The following PRKG1 variants were observed in gnomAD, a reference collection of about 807,000 sequenced individuals.
PRKG1 encodes the protein protein kinase cGMP-dependent 1, also known as cGMP-dependent protein kinase 1.
In PRKG1, 35 loss-of-function variants were observed where a neutral mutation model predicts 88.1. The ratio of observed to expected loss-of-function variants is 0.40; its 90% confidence interval spans 0.30 to 0.53. The LOEUF is 0.53. Ranked by LOEUF, PRKG1 falls within the 20% of genes least tolerant of loss-of-function variation. The pLI, the probability that PRKG1 is intolerant of heterozygous loss-of-function variation, is 0.59. For missense variants in PRKG1, 540 were observed against 839.8 expected (o/e 0.64, Z 4.41); for synonymous variants, 303 against 292.5 (o/e 1.04, Z -0.37).
At chr10:51,365,837 A>G (rs1842576740) in intron 2 of PRKG1, among the ~76,000 whole-genome samples, 1 of 151,934 alleles carries the variant, frequency 6.6e-6, no homozygotes, top group Admixed American at 6.6e-5. Flanking sequence ...TCAATAGAAT[A>G]AACTTATCCC....
At chr10:51,207,092 A>G (rs1173361494) in intron 2 of PRKG1, among the ~76,000 whole-genome samples, 1 of 152,126 alleles carries the variant, frequency 6.6e-6, no homozygotes, top group Non-Finnish European at 1.5e-5. Context: ...AAGTGAAACA[A>G]TTTCTGATTT....
At chr10:52,045,195 A>T (rs1002553765) in intron 5 of PRKG1, among the ~76,000 whole-genome samples, 23 of 151,966 alleles carry the variant, frequency 1.5e-4, no homozygotes, top group African/African-American at 5.3e-4. Context: ...ATCTGACCAT[A>T]CATAGCTGGT....
intron 2 of PRKG1, among the ~76,000 whole-genome samples, chr10:51,380,686 C>T (rs775524234): frequency 1.3e-5 from 2 of 152,044 alleles, no homozygotes; most frequent in Non-Finnish European, 2.9e-5. Flanking sequence ...ACAAATGGCA[C>T]AGCTCATGCA....
chr10:51,985,710 A>G (rs989054031), intron 5 of PRKG1, among the ~76,000 whole-genome samples: 1 of 152,002 alleles, frequency 6.6e-6, no homozygotes, highest in Non-Finnish European at 1.5e-5. Flanking sequence ...TCATACTTTA[A>G]ATTTAAAATG....
chr10:51,188,153 G>T (rs1313193799), intron 2 of PRKG1, among the ~76,000 whole-genome samples: 1 of 151,972 alleles, frequency 6.6e-6, no homozygotes, highest in African/African-American at 2.4e-5. Context: ...AGGAAATGAA[G>T]GGATGACTGA....
intron 1 of PRKG1, among the ~76,000 whole-genome samples, chr10:51,047,662 A>C (rs1564580898): frequency 6.6e-6 from 1 of 150,444 alleles, no homozygotes; most frequent in Non-Finnish European, 1.5e-5. Context: ...ACAAGACTTC[A>C]GTCCTCCATG....
chr10:51,491,863 A>G (rs1318128077), intron 3 of PRKG1, among the ~76,000 whole-genome samples: 1 of 152,068 alleles, frequency 6.6e-6, no homozygotes, highest in Non-Finnish European at 1.5e-5. Context: ...CTTTATATAC[A>G]CTAAGTCTTG....
At chr10:51,850,369 G>T (rs1304760843) in intron 4 of PRKG1, among the ~76,000 whole-genome samples, 1 of 152,036 alleles carries the variant, frequency 6.6e-6, no homozygotes, top group Non-Finnish European at 1.5e-5. Context: ...TAGAGATGGG[G>T]TTTCACCATA....
At chr10:52,060,285 A>C (rs1024862243) in intron 6 of PRKG1, among the ~76,000 whole-genome samples, 1 of 151,960 alleles carries the variant, frequency 6.6e-6, no homozygotes, top group Non-Finnish European at 1.5e-5. Flanking sequence ...AAAAATTAGG[A>C]AAAAATTAAA....
chr10:52,174,479 G>A lies in PRKG1; in HGVS notation c.1076+12516G>A, dbSNP rs1362841057. Among the ~76,000 whole-genome samples the A allele has an allele frequency of 7.2e-5, 11 of 151,870 alleles. No homozygotes were observed. The East Asian group carries it at 1.9e-3, about 27-fold the overall frequency. On this transcript the variant is annotated intron_variant, in intron 9 of 17. Coordinates refer to ENST00000373980, the MANE Select transcript of PRKG1 (RefSeq NM_006258.4). Reference sequence around the variant, plus strand: ...AACTTTATATGCCAATGAATAGAGGGGAGCAGGGAGAGAATTTAAGAAAAA... The same window carrying A: ...AACTTTATATGCCAATGAATAGAGGAGAGCAGGGAGAGAATTTAAGAAAAA...
chr10:51,204,447 G>C (rs1203727538), intron 2 of PRKG1, among the ~76,000 whole-genome samples: 2 of 151,218 alleles, frequency 1.3e-5, no homozygotes, highest in South Asian at 2.1e-4. Context: ...TTCAGGAAAG[G>C]ATTTTGATGC....
At chr10:52,188,255 T>TACAC (rs1483199908) in intron 9 of PRKG1, among the ~76,000 whole-genome samples, 29 of 10,564 alleles carry the variant, frequency 2.7e-3, no homozygotes, top group South Asian at 4.5e-3. Context: ...TATATGTGTA[T>TACAC]ATATATACAT....
chr10:52,199,583 C>T (rs1306379395), intron 9 of PRKG1, among the ~76,000 whole-genome samples: 1 of 152,278 alleles, frequency 6.6e-6, no homozygotes, highest in African/African-American at 2.4e-5. Context: ...TGAGACCTAA[C>T]GCTTCCATAA....
chr10:51,991,254 A>G (rs1844298834), intron 5 of PRKG1, among the ~76,000 whole-genome samples: 1 of 152,056 alleles, frequency 6.6e-6, no homozygotes, highest in Admixed American at 6.6e-5. Context: ...AGGGTTTTCA[A>G]TATGTAAGAT....
intron 4 of PRKG1, among the ~76,000 whole-genome samples, chr10:51,885,343 C>A (rs767097203): frequency 1.3e-5 from 2 of 152,204 alleles, no homozygotes; most frequent in East Asian, 3.9e-4. Context: ...TATTTAATGG[C>A]AGATTCTGTT....
intron 3 of PRKG1, among the ~76,000 whole-genome samples, chr10:51,631,884 A>G (rs548604038): frequency 2.0e-5 from 3 of 152,028 alleles, no homozygotes; most frequent in African/African-American, 4.8e-5. Context: ...TGTAACCAGT[A>G]CCTCTCCATG....
intron 1 of PRKG1, among the ~76,000 whole-genome samples, chr10:51,059,096 C>T (rs1843666877): frequency 6.6e-6 from 1 of 152,056 alleles, no homozygotes; most frequent in South Asian, 2.1e-4. Flanking sequence ...TGTATGCTGA[C>T]CTCAAATTTA....
intron 3 of PRKG1, among the ~76,000 whole-genome samples, chr10:51,625,300 A>T (rs1387713718): frequency 1.3e-5 from 2 of 152,108 alleles, no homozygotes; most frequent in Non-Finnish European, 2.9e-5. Context: ...AACATGGTGA[A>T]ACCCCATCTC....
chr10:51,027,860 C>T (rs1167588631), intron 1 of PRKG1, among the ~76,000 whole-genome samples: 1 of 152,144 alleles, frequency 6.6e-6, no homozygotes, highest in East Asian at 1.9e-4. Context: ...CCTTAATTGT[C>T]TTCCCTGTCA....
Sources: gnomAD v4.1 joint callset for allele counts (sites outside exome capture counted in the v4.1 genomes callset) on GRCh38, gnomAD v4.1.1 for gene constraint, MANE v1.5 for transcripts, NCBI Gene and HGNC (gene_info 2026-07-23, HGNC 2026-07-21) for gene names.